CYS1: variants seen among roughly 807,000 people sequenced by gnomAD.
CYS1 encodes the protein cystin-1.
A neutral mutation model predicts 9.6 loss-of-function variants in CYS1; 5 were observed. The ratio of observed to expected loss-of-function variants is 0.52; its 90% confidence interval spans 0.27 to 1.10. The LOEUF (loss-of-function observed/expected upper bound fraction) is 1.10. Ranked by LOEUF, CYS1 falls within the 50% of genes least tolerant of loss-of-function variation. The pLI is 0.11. For synonymous variants in CYS1, 88 were observed against 95.7 expected (o/e 0.92, Z 0.47); for missense variants, 221 against 207.9 (o/e 1.06, Z -0.39).
chr2:10,061,944 G>T (rs1018472489), intron 2 of CYS1, among the ~76,000 whole-genome samples: 1 of 151,992 alleles, frequency 6.6e-6, no homozygotes, highest in African/African-American at 2.4e-5. Flanking sequence ...AGGGAGTCAA[G>T]AAATGAATTT....
rs1286750247 is a variant in CYS1, at chr2:10,057,891, G to T, written c.*962C>A. On this transcript the variant is annotated 3_prime_UTR_variant, in exon 3 of 3. Coordinates refer to ENST00000381813, the MANE Select transcript of CYS1 (RefSeq NM_001037160.3). ...GTCAGTTTTCCCATCTGTCAACCAG[G>T]AACATTCCAAGGCTCTTCCTGCCTC... is the stretch of plus-strand genomic sequence containing the variant. The T allele has an allele frequency of 6.6e-6, 1 of 152,342 alleles. No homozygotes were observed. Among genetic ancestry groups the T allele is most frequent in the Admixed American group, 6.5e-5 (1 of 15,294 alleles). 9.4% of individuals were successfully genotyped at this position (152,342 alleles called of 1,614,324 possible).
chr2:10,064,849 C>T (rs1661674006), intron 2 of CYS1, among the ~76,000 whole-genome samples: 1 of 151,382 alleles, frequency 6.6e-6, no homozygotes, highest in Admixed American at 6.6e-5. Flanking sequence ...CCCGGAGTAG[C>T]TGGGATTACA....
At chr2:10,066,414 C>G (rs1032487882) in intron 1 of CYS1, among the ~76,000 whole-genome samples, 2 of 152,326 alleles carry the variant, frequency 1.3e-5, no homozygotes, top group African/African-American at 4.8e-5. Context: ...TATGTCACCT[C>G]CAGGAACCAC....
At chr2:10,075,239 C>T (rs1661827492) in intron 1 of CYS1, among the ~76,000 whole-genome samples, 1 of 152,252 alleles carries the variant, frequency 6.6e-6, no homozygotes, top group Non-Finnish European at 1.5e-5. Flanking sequence ...AACTCAGACA[C>T]CAGATCCACT....
intron 1 of CYS1, among the ~76,000 whole-genome samples, chr2:10,072,693 G>T (rs537549539): frequency 3.4e-4 from 51 of 152,172 alleles, no homozygotes; most frequent in Non-Finnish European, 5.7e-4. Context: ...CTCCTACAAC[G>T]GCTCTCCTGG....
At chr2:10,070,257 G>T (rs1661747861) in intron 1 of CYS1, among the ~76,000 whole-genome samples, 1 of 152,338 alleles carries the variant, frequency 6.6e-6, no homozygotes, top group African/African-American at 2.4e-5. Flanking sequence ...GGTTCTCCCA[G>T]CCTGGCCCAG....
chr2:10,069,697 T>A (rs1661740244), intron 1 of CYS1, among the ~76,000 whole-genome samples: 1 of 152,136 alleles, frequency 6.6e-6, no homozygotes, highest in Non-Finnish European at 1.5e-5. Context: ...ATTTTTTTTT[T>A]AATCATAGAA....
chr2:10,073,665 A>T (rs1263363509), intron 1 of CYS1, among the ~76,000 whole-genome samples: 1 of 152,180 alleles, frequency 6.6e-6, no homozygotes, highest in Admixed American at 6.5e-5. Flanking sequence ...TGTTGTGCAC[A>T]AACCACTGCT....
intron 1 of CYS1, among the ~76,000 whole-genome samples, chr2:10,078,000 G>A (rs1420244055): frequency 1.3e-5 from 2 of 151,824 alleles, no homozygotes; most frequent in Non-Finnish European, 2.9e-5. Context: ...CAGATACTCA[G>A]AAGGCTGAGG....
rs772937929 is a variant in CYS1, at chr2:10,058,840, G to C, written c.*13C>G. 6 of 1,550,522 alleles carry C rather than the reference G, an allele frequency of 3.9e-6. No individual in the cohort carries two copies. The Admixed American group carries it at 1.1e-4, about 29-fold the overall frequency. On this transcript the variant is annotated 3_prime_UTR_variant, in exon 3 of 3. Transcript: ENST00000381813. ...GTGCCTCCGAGGCCTGGCGGGGGTGGAGCATGCTGTCCTCAGCGGCAGTAC... is the reference window on the plus strand; with the variant it reads ...GTGCCTCCGAGGCCTGGCGGGGGTGCAGCATGCTGTCCTCAGCGGCAGTAC...
chr2:10,056,592 G>A lies in CYS1; in HGVS notation c.*2261C>T, dbSNP rs975756470. On this transcript the variant is annotated 3_prime_UTR_variant, in exon 3 of 3. Transcript: ENST00000381813. ...TCCTGGCAGTGAGCAAATCCCACACGCAGTTCTAGCAGGACGCTGAGGCTC... is the reference window on the plus strand; with the variant it reads ...TCCTGGCAGTGAGCAAATCCCACACACAGTTCTAGCAGGACGCTGAGGCTC... Among the ~76,000 whole-genome samples, 1 of 152,232 alleles carries A rather than the reference G, an allele frequency of 6.6e-6. No individual in the cohort carries two copies. The highest frequency in any genetic ancestry group is 1.5e-5 in the Non-Finnish European group (1 of 68,050).
rs1661659731 is a variant in CYS1, at chr2:10,063,840, C to T, written c.371+2064G>A. Among the ~76,000 whole-genome samples, 1 of 152,228 alleles carries T rather than the reference C, an allele frequency of 6.6e-6. No individual in the cohort carries two copies. The highest frequency in any genetic ancestry group is 6.5e-5 in the Admixed American group (1 of 15,288). On this transcript the variant is annotated intron_variant, in intron 2 of 2. Coordinates refer to ENST00000381813, the MANE Select transcript of CYS1 (RefSeq NM_001037160.3). This position sits in a 1 kb window ranked among gnomAD's most constrained non-coding sequence, Gnocchi z 4.2. ...ACTGCTGGGACCTGGGGCTTCCTTC[C>T]TGGTGGAAGCACGGTGCTGGAGGGG...
chr2:10,073,046 G>GTGGGAGCAGTGCAGGTGGGCTCTGCA (rs1661793436), intron 1 of CYS1, among the ~76,000 whole-genome samples: 2 of 148,916 alleles, frequency 1.3e-5, no homozygotes, highest in Non-Finnish European at 3.0e-5. Flanking sequence ...GAGCAGATGT[G>GTGGGAGCAGTGCAGGTGGGCTCTGCA]TGGGAGCAGT....
intron 2 of CYS1, among the ~76,000 whole-genome samples, chr2:10,059,893 G>C (rs1187998191): frequency 1.3e-5 from 2 of 152,224 alleles, no homozygotes; most frequent in African/African-American, 4.8e-5. Context: ...CCTGCTGCCT[G>C]GGTTCCAGAA....
chr2:10,070,648 T>A (rs1033019350), intron 1 of CYS1, among the ~76,000 whole-genome samples: 3 of 151,584 alleles, frequency 2.0e-5, no homozygotes, highest in Non-Finnish European at 4.4e-5. Context: ...GCCTGGCATA[T>A]TTATTTATTT....
intron 2 of CYS1, among the ~76,000 whole-genome samples, chr2:10,059,452 T>C (rs1553315455): frequency 6.6e-6 from 1 of 152,230 alleles, no homozygotes; most frequent in Non-Finnish European, 1.5e-5. Context: ...ATCCTAGCAC[T>C]TTGGGAGGCC....
At position 10,058,779 on chromosome 2, in the gene CYS1, G is replaced by A. The variant is rs1661585281; in HGVS notation, c.*74C>T. 4 of 1,322,468 alleles carry A rather than the reference G, an allele frequency of 3.0e-6. No individual in the cohort carries two copies. The allele number at this position is 1,322,468 out of a possible 1,614,324, so 81.9% of individuals were successfully genotyped here. The stretch of plus-strand genomic sequence containing the variant: ...TTTGGAGGTGGTTCAGCTCCTGCTA[G>A]AGCTCTGTGCAAGCAGAGGGTGCCC... On this transcript the variant is annotated 3_prime_UTR_variant, in exon 3 of 3. Coordinates refer to ENST00000381813, the MANE Select transcript of CYS1 (RefSeq NM_001037160.3).
At chr2:10,066,016 G>C in intron 1 of CYS1, 60 bp from the exon 2 acceptor site, 1 of 1,595,692 alleles carries the variant, frequency 6.3e-7, no homozygotes, top group South Asian at 1.1e-5. Context: ...CCTGCCTAAG[G>C]CTTTGGCTTT....
chr2:10,064,075 T>C (rs1256613376), intron 2 of CYS1, among the ~76,000 whole-genome samples: 2 of 151,920 alleles, frequency 1.3e-5, no homozygotes, highest in Non-Finnish European at 2.9e-5. Context: ...ATACAAAAAT[T>C]AGCCGGACAG....
Sources: allele counts gnomAD v4.1 joint callset (sites outside exome capture counted in the v4.1 genomes callset), GRCh38; gene constraint gnomAD v4.1.1; non-coding constraint Gnocchi (gnomAD v3.1); transcripts MANE v1.5; gene names NCBI Gene and HGNC (gene_info 2026-07-23, HGNC 2026-07-21).